Variants in B3GALT1 observed in about 807,000 individuals in gnomAD.
B3GALT1 encodes UDP-Gal:betaGlcNAc beta 1,3-galactosyltransferase, polypeptide 1.
Under a neutral mutation model 23.2 loss-of-function variants are expected in B3GALT1, and 10 were observed. That is an observed-to-expected ratio of 0.43 (90% confidence interval 0.27 to 0.73). The LOEUF (loss-of-function observed/expected upper bound fraction) is 0.73, where lower values mean the gene tolerates loss of function less well. Ranked by LOEUF, B3GALT1 falls within the 30% of genes least tolerant of loss-of-function variation. The probability of loss-of-function intolerance (pLI) is 0.21; values close to 1 mark genes in which losing one functional copy is unlikely to be tolerated. For synonymous variants in B3GALT1, 156 were observed against 141.5 expected (o/e 1.10, Z -0.73); for missense variants, 299 against 405.4 (o/e 0.74, Z 2.25).
At chr2:167,387,085 C>T (rs1280626694) in intron 1 of B3GALT1, among the ~76,000 whole-genome samples, 1 of 151,938 alleles carries the variant, frequency 6.6e-6, no homozygotes, top group African/African-American at 2.4e-5. Context: ...AGGGAGTCTT[C>T]ATTGCTGGTC....
chr2:167,304,608 T>C (rs764505239), intron 1 of B3GALT1, among the ~76,000 whole-genome samples: 2 of 151,824 alleles, frequency 1.3e-5, no homozygotes, highest in Non-Finnish European at 2.9e-5. Context: ...CAATAAAGTA[T>C]GTGTATGTGA....
intron 2 of B3GALT1, among the ~76,000 whole-genome samples, chr2:167,643,558 A>T (rs1209947851): frequency 1.3e-5 from 2 of 152,242 alleles, no homozygotes; most frequent in African/African-American, 2.4e-5. Flanking sequence ...CAGACCACTG[A>T]TAATACAAAA....
intron 3 of B3GALT1, among the ~76,000 whole-genome samples, chr2:167,811,431 T>C (rs1688887075): frequency 4.6e-5 from 7 of 152,228 alleles, no homozygotes. Context: ...ATGTCCAATT[T>C]GGAAGTAACA....
chr2:167,361,144 A>G (rs1259947125), intron 1 of B3GALT1, among the ~76,000 whole-genome samples: 2 of 149,654 alleles, frequency 1.3e-5, no homozygotes, highest in Non-Finnish European at 3.0e-5. Context: ...TATCTTGGCT[A>G]TTGTGAATAG....
At chr2:167,567,701 C>G (rs376819357) in intron 2 of B3GALT1, among the ~76,000 whole-genome samples, 2 of 151,712 alleles carry the variant, frequency 1.3e-5, no homozygotes, top group African/African-American at 2.4e-5. Flanking sequence ...CAGAATGGCA[C>G]AATTGTTACA....
intron 2 of B3GALT1, among the ~76,000 whole-genome samples, chr2:167,639,097 G>GT (rs916805494): frequency 6.6e-6 from 1 of 152,034 alleles, no homozygotes; most frequent in African/African-American, 2.4e-5. Flanking sequence ...GAGGTAAAAA[G>GT]TAGCCATAGG....
chr2:167,377,606 G>T (rs377678777), intron 1 of B3GALT1, among the ~76,000 whole-genome samples: 4 of 151,970 alleles, frequency 2.6e-5, no homozygotes, highest in African/African-American at 9.6e-5. Context: ...TTTTACTTTG[G>T]TTTAAAGTCT....
rs545144613 is a variant in B3GALT1, at chr2:167,733,736, T to C, written c.-351-84936T>C. 9.8e-5 allele frequency among the ~76,000 whole-genome samples: 15 copies of C among 152,320 alleles called. 1 individual carries two copies. In the South Asian group the frequency reaches 2.9e-3, roughly 29 times the overall value. On this transcript the variant is annotated intron_variant, in intron 3 of 4. Coordinates refer to ENST00000392690, the MANE Select transcript of B3GALT1 (RefSeq NM_020981.4). ...GATCTCCGTAACAGTGTTCTACTATTAAACGACCCATGGAACTTAACATTC... is the reference window on the plus strand; with the variant it reads ...GATCTCCGTAACAGTGTTCTACTATCAAACGACCCATGGAACTTAACATTC...
At chr2:167,294,228 T>C (rs892513959) in intron 1 of B3GALT1, among the ~76,000 whole-genome samples, 3 of 152,172 alleles carry the variant, frequency 2.0e-5, no homozygotes, top group African/African-American at 7.2e-5. Context: ...CCCGGCCTGG[T>C]GCGCCTCTGG....
At chr2:167,509,397 A>T (rs1699970038) in intron 2 of B3GALT1, among the ~76,000 whole-genome samples, 1 of 152,100 alleles carries the variant, frequency 6.6e-6, no homozygotes. Context: ...TGGTTTCAGG[A>T]GCTTAACACT....
chr2:167,396,385 C>A (rs1698095892), intron 1 of B3GALT1, among the ~76,000 whole-genome samples: 1 of 151,728 alleles, frequency 6.6e-6, no homozygotes, highest in Non-Finnish European at 1.5e-5. Flanking sequence ...ATAGAGTGAG[C>A]CTTTGGGGAA....
intron 1 of B3GALT1, among the ~76,000 whole-genome samples, chr2:167,434,714 C>CA (rs1166730804): frequency 2.1e-5 from 3 of 139,934 alleles, no homozygotes; most frequent in Non-Finnish European, 4.7e-5. Flanking sequence ...TGAATGACCC[C>CA]CCCCCCTTAT....
intron 4 of B3GALT1, among the ~76,000 whole-genome samples, chr2:167,835,259 A>G (rs1418027128): frequency 6.6e-6 from 1 of 152,238 alleles, no homozygotes; most frequent in African/African-American, 2.4e-5. Context: ...GCAAGGGGTC[A>G]GGGAGTTCCC....
intron 1 of B3GALT1, among the ~76,000 whole-genome samples, chr2:167,356,315 T>C (rs1311287888): frequency 6.6e-6 from 1 of 152,200 alleles, no homozygotes; most frequent in Non-Finnish European, 1.5e-5. Flanking sequence ...TATATGCCCT[T>C]GGCCATAATT....
intron 1 of B3GALT1, among the ~76,000 whole-genome samples, chr2:167,322,977 A>G (rs1254371935): frequency 6.6e-6 from 1 of 152,048 alleles, no homozygotes; most frequent in African/African-American, 2.4e-5. Context: ...AGAATTTATC[A>G]CTTTTGGCAT....
chr2:167,427,954 A>C (rs1181333765), intron 1 of B3GALT1, among the ~76,000 whole-genome samples: 1 of 152,222 alleles, frequency 6.6e-6, no homozygotes, highest in Admixed American at 6.5e-5. Flanking sequence ...AAATATTTGC[A>C]AGCTATTCCT....
At chr2:167,382,630 C>T (rs1407712529) in intron 1 of B3GALT1, among the ~76,000 whole-genome samples, 2 of 152,174 alleles carry the variant, frequency 1.3e-5, no homozygotes, top group South Asian at 2.1e-4. Flanking sequence ...GCAGAATAAA[C>T]TGCAGTGAAC....
chr2:167,764,826 A>G (rs1415401067), intron 3 of B3GALT1, among the ~76,000 whole-genome samples: 1 of 152,162 alleles, frequency 6.6e-6, no homozygotes, highest in Admixed American at 6.5e-5. Flanking sequence ...TCTACACTAG[A>G]TCTTGATCCC....
chr2:167,683,706 G>A (rs1159628576), intron 3 of B3GALT1, among the ~76,000 whole-genome samples: 2 of 152,076 alleles, frequency 1.3e-5, no homozygotes, highest in Non-Finnish European at 2.9e-5. Flanking sequence ...GTGACAAAGT[G>A]AGAGTCTGTC....
Sources: allele counts gnomAD v4.1 joint callset (sites outside exome capture counted in the v4.1 genomes callset), GRCh38; gene constraint gnomAD v4.1.1; transcripts MANE v1.5; gene names NCBI Gene and HGNC (gene_info 2026-07-23, HGNC 2026-07-21).